Variants in FHIT observed in about 807,000 individuals in gnomAD.
FHIT encodes bis(5'-adenosyl)-triphosphatase.
Under a neutral mutation model 17.9 loss-of-function variants are expected in FHIT, and 19 were observed. The ratio of observed to expected loss-of-function variants is 1.06; its 90% CI spans 0.74 to 1.56. The LOEUF is 1.56. Ranked by LOEUF, FHIT falls within the 40% of genes most tolerant of loss-of-function variation. The pLI, the probability that FHIT is intolerant of heterozygous loss-of-function variation, is 0.00. For synonymous variants in FHIT, 81 were observed against 69.7 expected (o/e 1.16, Z -0.81); for missense variants, 248 against 189.2 (o/e 1.31, Z -1.82).
chr3:61,092,585 G>A (rs1412080568), intron 2 of FHIT, among the ~76,000 whole-genome samples: 1 of 151,910 alleles, frequency 6.6e-6, no homozygotes, highest in Non-Finnish European at 1.5e-5. Flanking sequence ...AAAATTTATT[G>A]TCTTTATGTT....
chr3:59,850,133 T>C (rs891038418), intron 8 of FHIT, among the ~76,000 whole-genome samples: 1 of 152,218 alleles, frequency 6.6e-6, no homozygotes, highest in Non-Finnish European at 1.5e-5. Flanking sequence ...CCCTGTTCCC[T>C]AGAGGGAGAA....
At chr3:60,537,162 T>G (rs529429161) in intron 4 of FHIT, among the ~76,000 whole-genome samples, 183 bp from the exon 5 acceptor site, 1 of 152,168 alleles carries the variant, frequency 6.6e-6, no homozygotes, top group South Asian at 2.1e-4. Context: ...AATACTCCAC[T>G]CTCCCTACCA....
chr3:60,368,951 T>C (rs1202348611), intron 5 of FHIT, among the ~76,000 whole-genome samples: 2 of 151,948 alleles, frequency 1.3e-5, no homozygotes, highest in East Asian at 1.9e-4. Flanking sequence ...ATTCAGTATA[T>C]TTCAATCATG....
chr3:59,951,961 T>C (rs1707138696), intron 7 of FHIT, among the ~76,000 whole-genome samples: 1 of 152,170 alleles, frequency 6.6e-6, no homozygotes, highest in Non-Finnish European at 1.5e-5. Flanking sequence ...AATCTCTTTT[T>C]GTCATGTTGA....
At chr3:60,966,781 A>T (rs557941256) in intron 3 of FHIT, among the ~76,000 whole-genome samples, 4 of 152,248 alleles carry the variant, frequency 2.6e-5, no homozygotes, top group African/African-American at 9.6e-5. Context: ...AACAGAAGAT[A>T]TGGTAAAATG....
At chr3:59,970,460 C>G (rs892177300) in intron 7 of FHIT, among the ~76,000 whole-genome samples, 2 of 152,004 alleles carry the variant, frequency 1.3e-5, no homozygotes, top group African/African-American at 4.8e-5. Context: ...AGCACCAGTT[C>G]CCCCTGGTTA....
intron 8 of FHIT, among the ~76,000 whole-genome samples, chr3:59,845,984 AAAGTAAGTCT>A (rs1456037659): frequency 2.0e-5 from 3 of 152,240 alleles, no homozygotes; most frequent in Non-Finnish European, 2.9e-5. Context: ...CACTGGTTCT[AAAGTAAGTCT>A]GTGAAGACAG....
At chr3:61,175,121 A>AG (rs2038119306) in intron 2 of FHIT, among the ~76,000 whole-genome samples, 1 of 152,232 alleles carries the variant, frequency 6.6e-6, no homozygotes, top group African/African-American at 2.4e-5. Context: ...TTGTGGCAGA[A>AG]GGGAAAAAAA....
At chr3:60,702,400 T>C (rs1196028495) in intron 4 of FHIT, among the ~76,000 whole-genome samples, 1 of 152,064 alleles carries the variant, frequency 6.6e-6, no homozygotes, top group Non-Finnish European at 1.5e-5. Flanking sequence ...ATAAAAACTA[T>C]TAGGGAATAT....
At chr3:60,969,922 T>C (rs760655023) in intron 3 of FHIT, among the ~76,000 whole-genome samples, 1 of 152,314 alleles carries the variant, frequency 6.6e-6, no homozygotes, top group East Asian at 1.9e-4. Flanking sequence ...TGGAGTGCAG[T>C]GGCATGATCA....
intron 8 of FHIT, among the ~76,000 whole-genome samples, chr3:59,806,548 ACT>A (rs1264308132): frequency 2.6e-5 from 4 of 151,630 alleles, no homozygotes; most frequent in African/African-American, 9.7e-5. Flanking sequence ...TGCCTGCTTG[ACT>A]CTCTCCTACC....
At chr3:61,088,576 G>A (rs1205599291) in intron 2 of FHIT, among the ~76,000 whole-genome samples, 2 of 152,014 alleles carry the variant, frequency 1.3e-5, no homozygotes, top group African/African-American at 4.8e-5. Context: ...TCAAAATCTG[G>A]GAGAAAATAT....
chr3:60,181,167 G>C (rs1473419946), intron 5 of FHIT, among the ~76,000 whole-genome samples: 3 of 108,680 alleles, frequency 2.8e-5, no homozygotes, highest in South Asian at 5.1e-4. Context: ...TTTTTTTTGA[G>C]ACTGAGTCTC....
At chr3:60,200,318 T>C (rs1263377613) in intron 5 of FHIT, among the ~76,000 whole-genome samples, 2 of 152,130 alleles carry the variant, frequency 1.3e-5, no homozygotes, top group African/African-American at 2.4e-5. Flanking sequence ...TTGACAGCCA[T>C]CTAATGAGCT....
intron 5 of FHIT, among the ~76,000 whole-genome samples, chr3:60,521,173 A>G (rs916408272): frequency 1.3e-5 from 2 of 152,084 alleles, no homozygotes; most frequent in African/African-American, 2.4e-5. Context: ...CTACCATTAT[A>G]TAATGTCCAT....
At chr3:59,767,005 A>AAATC (rs1701828541) in intron 8 of FHIT, among the ~76,000 whole-genome samples, 1 of 152,188 alleles carries the variant, frequency 6.6e-6, no homozygotes, top group African/African-American at 2.4e-5. Flanking sequence ...AATTTCTTTT[A>AAATC]AATCAAGAAA....
intron 3 of FHIT, among the ~76,000 whole-genome samples, chr3:60,890,353 C>T (rs1553760386): frequency 6.6e-6 from 1 of 152,050 alleles, no homozygotes; most frequent in East Asian, 1.9e-4. Flanking sequence ...TCCAGGGCAG[C>T]ATAGCCGAAA....
chr3:59,982,373 A>G (rs75882535), intron 7 of FHIT, among the ~76,000 whole-genome samples: 6 of 146,726 alleles, frequency 4.1e-5, no homozygotes, highest in Non-Finnish European at 7.4e-5. Flanking sequence ...ATCACAGAAG[A>G]AAAAAAAAAT....
At chr3:60,215,760 C>T (rs766798454) in intron 5 of FHIT, among the ~76,000 whole-genome samples, 11 of 152,084 alleles carry the variant, frequency 7.2e-5, no homozygotes, top group Non-Finnish European at 1.5e-4. Flanking sequence ...ATAGTTAACA[C>T]TTATTCTACA....
Sources: allele counts gnomAD v4.1 joint callset (sites outside exome capture counted in the v4.1 genomes callset), GRCh38; gene constraint gnomAD v4.1.1; transcripts MANE v1.5; gene names NCBI Gene and HGNC (gene_info 2026-07-23, HGNC 2026-07-21).